The following PRKCH variants were observed in gnomAD, a reference collection of about 807,000 sequenced individuals.
PRKCH encodes protein kinase C eta, also known as protein kinase C eta type.
A neutral mutation model predicts 82.5 loss-of-function variants in PRKCH; 28 were observed. The observed-to-expected ratio is 0.34, with a 90% CI of 0.25 to 0.47. PRKCH has a LOEUF of 0.47. Ranked by LOEUF, PRKCH falls within the 20% of genes least tolerant of loss-of-function variation. The pLI is 1.00. For missense variants in PRKCH, 705 were observed against 881.8 expected, an observed-to-expected ratio of 0.80 and a Z score of 2.54; for synonymous variants, 322 against 327.4, an observed-to-expected ratio of 0.98 and a Z score of 0.18.
chr14:61,385,812 G>T (rs185658412), intron 1 of PRKCH, among the ~76,000 whole-genome samples: 3 of 152,254 alleles, frequency 2.0e-5, no homozygotes, highest in Non-Finnish European at 4.4e-5. Flanking sequence ...GCAAGGTAGG[G>T]TCTCCTTTGG....
At chr14:61,384,764 A>C (rs895823761) in intron 1 of PRKCH, among the ~76,000 whole-genome samples, 4 of 152,072 alleles carry the variant, frequency 2.6e-5, no homozygotes, top group African/African-American at 9.7e-5. Flanking sequence ...GGCTGCTGCA[A>C]ACCAGGCATA....
chr14:61,430,902 G>A (rs1240026689), intron 2 of PRKCH, among the ~76,000 whole-genome samples: 2 of 152,072 alleles, frequency 1.3e-5, no homozygotes, highest in East Asian at 1.9e-4. Context: ...CTACAGGCAC[G>A]TGCCACCACG....
intron 1 of PRKCH, among the ~76,000 whole-genome samples, chr14:61,227,777 G>A (rs2044709092): frequency 6.6e-6 from 1 of 152,074 alleles, no homozygotes. Flanking sequence ...AATAGTAAGT[G>A]CTTGATAAAT....
intron 1 of PRKCH, among the ~76,000 whole-genome samples, chr14:61,258,591 A>G (rs1230784510): frequency 6.6e-6 from 1 of 152,190 alleles, no homozygotes; most frequent in Non-Finnish European, 1.5e-5. Context: ...ACATCAAATA[A>G]CCATTTTTAC....
At chr14:61,228,452 T>G (rs2044714979) in intron 1 of PRKCH, among the ~76,000 whole-genome samples, 1 of 152,126 alleles carries the variant, frequency 6.6e-6, no homozygotes, top group African/African-American at 2.4e-5. Context: ...AGCCACCTCT[T>G]CTCAATCCTT....
intron 2 of PRKCH, among the ~76,000 whole-genome samples, chr14:61,404,636 G>A (rs1412847118): frequency 1.3e-5 from 2 of 152,214 alleles, no homozygotes; most frequent in Admixed American, 6.5e-5. Flanking sequence ...AACATAATAT[G>A]TACCTCCACA....
At position 61,322,058 on chromosome 14, in the gene PRKCH, T is replaced by C; in HGVS notation, c.-44T>C. 1 of 1,490,646 alleles carries C rather than the reference T, an allele frequency of 6.7e-7. No individual in the cohort carries two copies. Among genetic ancestry groups the C allele is most frequent in the South Asian group, 1.3e-5 (1 of 76,566 alleles). The allele number at this position is 1,490,646 out of a possible 1,614,324, so 92.3% of individuals were successfully genotyped here. On this transcript the variant is annotated 5_prime_UTR_variant, in exon 1 of 14. Transcript: ENST00000332981. ...GAGACGGGACTCCCGGTTCTCCCGCTGCGAAGCAGCGCGGCCCCCCGGGGC... is the reference window on the plus strand; with the variant it reads ...GAGACGGGACTCCCGGTTCTCCCGCCGCGAAGCAGCGCGGCCCCCCGGGGC...
chr14:61,341,474 G>T (rs939150141), intron 1 of PRKCH, among the ~76,000 whole-genome samples: 2 of 152,200 alleles, frequency 1.3e-5, no homozygotes, highest in Non-Finnish European at 2.9e-5. Context: ...TGTCAGCACA[G>T]TTCACAGCAT....
intron 1 of PRKCH, among the ~76,000 whole-genome samples, chr14:61,314,071 T>C (rs1263052040): frequency 6.6e-6 from 1 of 152,252 alleles, no homozygotes; most frequent in East Asian, 1.9e-4. Context: ...TTGCCTCATT[T>C]GGTGACATGC....
At chr14:61,233,712 A>C (rs2044763377) in intron 1 of PRKCH, among the ~76,000 whole-genome samples, 1 of 152,270 alleles carries the variant, frequency 6.6e-6, no homozygotes, top group East Asian at 1.9e-4. Flanking sequence ...TGGTTTTATA[A>C]GGGGCTTTTC....
chr14:61,390,461 A>G (rs1028055967), intron 1 of PRKCH, among the ~76,000 whole-genome samples: 2 of 152,188 alleles, frequency 1.3e-5, no homozygotes, highest in Non-Finnish European at 2.9e-5. Flanking sequence ...ATTTGAAGTC[A>G]GGAGTTCGAG....
At chr14:61,396,916 G>A (rs1184421506) in intron 2 of PRKCH, among the ~76,000 whole-genome samples, 1 of 152,190 alleles carries the variant, frequency 6.6e-6, no homozygotes, top group East Asian at 1.9e-4. Flanking sequence ...TTTCAAAAGG[G>A]TGCCAGGTCA....
At chr14:61,271,091 G>A (rs1363857516) in intron 1 of PRKCH, among the ~76,000 whole-genome samples, 2 of 152,188 alleles carry the variant, frequency 1.3e-5, no homozygotes, top group East Asian at 1.9e-4. Flanking sequence ...GTGCTGAAGA[G>A]TGTATACAAT....
chr14:61,445,439 C>T (rs931367998), intron 3 of PRKCH, among the ~76,000 whole-genome samples: 3 of 152,196 alleles, frequency 2.0e-5, no homozygotes, highest in African/African-American at 7.2e-5. Context: ...TAGGAAATTG[C>T]CATGGAGGTA....
chr14:61,449,862 C>T (rs1450641447), intron 5 of PRKCH, among the ~76,000 whole-genome samples: 2 of 105,084 alleles, frequency 1.9e-5, no homozygotes, highest in Admixed American at 1.6e-4. Context: ...AGATGTCTCT[C>T]TCTCTCTCTC....
intron 1 of PRKCH, among the ~76,000 whole-genome samples, chr14:61,219,567 C>A (rs1160193842): frequency 6.6e-6 from 1 of 152,100 alleles, no homozygotes; most frequent in South Asian, 2.1e-4. Flanking sequence ...CAGTGTGTAC[C>A]ATCCTATAAG....
intron 10 of PRKCH, among the ~76,000 whole-genome samples, chr14:61,494,582 C>T (rs1270159343): frequency 6.6e-6 from 1 of 152,188 alleles, no homozygotes; most frequent in Non-Finnish European, 1.5e-5. Flanking sequence ...GACACAGCTT[C>T]CCAGCAGGGT....
chr14:61,501,377 C>T (rs1394493801), intron 10 of PRKCH, among the ~76,000 whole-genome samples: 1 of 151,902 alleles, frequency 6.6e-6, no homozygotes, highest in Non-Finnish European at 1.5e-5. Context: ...ATATATTGAC[C>T]TGGATGGTTT....
In PRKCH at chr14:61,346,956, C is replaced by T. The variant is rs540936819; in HGVS notation, c.363+24492C>T. On this transcript the variant is annotated intron_variant, in intron 1 of 13. Transcript: ENST00000332981. ...CATTAGCTAATGATGTTGATGTCCT[C>T]ACAAGCATTGTTTAGGAATGGCTTA... is the stretch of plus-strand genomic sequence containing the variant. 6.3e-3 allele frequency among the ~76,000 whole-genome samples: 952 copies of T among 152,274 alleles called. 4 individuals are homozygous for T. The highest frequency in any genetic ancestry group is 0.011 in the Non-Finnish European group (751 of 68,024).
Sources: gnomAD v4.1 joint callset for allele counts (sites outside exome capture counted in the v4.1 genomes callset) on GRCh38, gnomAD v4.1.1 for gene constraint, MANE v1.5 for transcripts, NCBI Gene and HGNC (gene_info 2026-07-23, HGNC 2026-07-21) for gene names.